The following MYO16 variants were observed in gnomAD, a reference collection of about 807,000 sequenced individuals.
MYO16 encodes myosin XVI, also known as unconventional myosin-XVI.
A neutral mutation model predicts 205.3 loss-of-function variants in MYO16; 94 were observed. The observed-to-expected ratio is 0.46, with a 90% CI of 0.39 to 0.54. MYO16 has a LOEUF of 0.54. MYO16 is among the 20% of genes least tolerant of loss of function. The probability of loss-of-function intolerance (pLI) is 0.00; values close to 1 mark genes in which losing one functional copy is unlikely to be tolerated. For missense variants in MYO16, 2,315 were observed against 2,387.5 expected, an observed-to-expected ratio of 0.97 and a Z score of 0.63; for synonymous variants, 988 against 954.0, an observed-to-expected ratio of 1.04 and a Z score of -0.66.
chr13:108,524,702 A>G, the MYO16 span, among the ~76,000 whole-genome samples: 14 of 152,242 alleles, frequency 9.2e-5, no homozygotes, highest in South Asian at 2.1e-4. Context: ...TTTTACCCCC[A>G]TCATTCTCCA....
At chr13:109,024,900 G>A (rs1381664427) in intron 23 of MYO16, among the ~76,000 whole-genome samples, 1 of 152,114 alleles carries the variant, frequency 6.6e-6, no homozygotes, top group Admixed American at 6.6e-5. Context: ...TTGAGCTACT[G>A]CAGTTTCAAA....
intron 1 of MYO16, among the ~76,000 whole-genome samples, chr13:108,636,132 A>G (rs1229538948): frequency 1.3e-5 from 2 of 152,046 alleles, no homozygotes; most frequent in Non-Finnish European, 2.9e-5. Flanking sequence ...ATATATTTGC[A>G]TCCATTTCTG....
the MYO16 span, among the ~76,000 whole-genome samples, chr13:108,589,188 G>A: frequency 1.9e-4 from 29 of 152,028 alleles, no homozygotes; most frequent in African/African-American, 7.0e-4. Context: ...TTTCTCAAGG[G>A]CCCTGGTTTG....
chr13:108,772,655 G>T (rs996687406), intron 4 of MYO16, among the ~76,000 whole-genome samples: 3 of 152,138 alleles, frequency 2.0e-5, no homozygotes, highest in African/African-American at 7.2e-5. Context: ...GTTAACTGTG[G>T]TTTAAGTAAT....
At chr13:108,576,940 A>G in the MYO16 span, among the ~76,000 whole-genome samples, 3 of 151,904 alleles carry the variant, frequency 2.0e-5, no homozygotes, top group Admixed American at 6.6e-5. Flanking sequence ...TTAAAATTTT[A>G]TATAGAGACA....
intron 7 of MYO16, among the ~76,000 whole-genome samples, chr13:108,809,708 C>T (rs1887226551): frequency 6.6e-6 from 1 of 152,218 alleles, no homozygotes; most frequent in Admixed American, 6.5e-5. Flanking sequence ...AACACTGGGG[C>T]TTGCAATTCA....
intron 4 of MYO16, among the ~76,000 whole-genome samples, chr13:108,749,362 A>G (rs957792070): frequency 2.0e-5 from 3 of 152,154 alleles, no homozygotes; most frequent in Non-Finnish European, 2.9e-5. Flanking sequence ...TGTTCCTATG[A>G]ATTTATCTCA....
chr13:108,528,596 C>G, the MYO16 span, among the ~76,000 whole-genome samples: 1 of 10,724 alleles, frequency 9.3e-5, no homozygotes, highest in Non-Finnish European at 2.0e-4. Context: ...TTCCCCTCCT[C>G]TCCCCTCTCC....
At chr13:108,926,458 C>G (rs1355126042) in intron 16 of MYO16, among the ~76,000 whole-genome samples, 3 of 152,114 alleles carry the variant, frequency 2.0e-5, no homozygotes, top group Non-Finnish European at 4.4e-5. Flanking sequence ...GAAACATCCC[C>G]AACATATAAC....
In MYO16 at chr13:108,866,206, T is replaced by A. The variant is rs1447084876; in HGVS notation, c.1389T>A (p.Val463=). Residue 463 remains valine (V), a synonymous_variant, in exon 12 of 35, where the codon GTT becomes GTA. Transcript: ENST00000457511. The part of the protein sequence containing the change: ...YTFIGDILLL[V]NPYKELPIYS... ...TCATTGGAGACATTCTTTTGCTTGT[T>A]AACCCATACAAGGAGCTTCCAATTT... 6.2e-7 allele frequency: 1 copy of A among 1,604,532 alleles called. No homozygotes were observed. The highest frequency in any genetic ancestry group is 8.5e-7 in the Non-Finnish European group (1 of 1,174,358).
chr13:108,666,118 G>C lies in MYO16; in HGVS notation c.261G>C (p.Gln87His). ...KVHFNLTDML[Q>H]DAIIHHNDKE... Reference sequence around the variant, plus strand: ...ACTTCAACCTCACGGACATGCTACAGGACGCGATTATCCACCACAATGACA... The same window carrying C: ...ACTTCAACCTCACGGACATGCTACACGACGCGATTATCCACCACAATGACA... Residue 87 changes from glutamine to histidine, a missense_variant, in exon 2 of 35, where the codon CAG becomes CAC. This residue lies in a region of MYO16 where 1,213 missense variants were observed against 1,274.4 expected (regional missense o/e 0.95). Transcript: ENST00000457511. 1 of 1,611,658 alleles carries C rather than the reference G, an allele frequency of 6.2e-7. No individual in the cohort carries two copies. The highest frequency in any genetic ancestry group is 8.5e-7 in the Non-Finnish European group (1 of 1,177,948).
intron 15 of MYO16, among the ~76,000 whole-genome samples, chr13:108,908,103 C>T (rs1029707896): frequency 6.6e-6 from 1 of 151,998 alleles, no homozygotes; most frequent in African/African-American, 2.4e-5. Context: ...TTGAAATTGC[C>T]ACCTAATTGA....
intron 33 of MYO16, among the ~76,000 whole-genome samples, chr13:109,166,482 C>T (rs1163334516): frequency 1.3e-5 from 2 of 152,126 alleles, no homozygotes; most frequent in Non-Finnish European, 2.9e-5. Context: ...ATATAAAGGG[C>T]AATGAGGAGG....
chr13:109,082,178 A>G (rs1390989470), intron 27 of MYO16, among the ~76,000 whole-genome samples: 2 of 152,188 alleles, frequency 1.3e-5, no homozygotes, highest in African/African-American at 4.8e-5. Flanking sequence ...CCAGTGATTT[A>G]TAGAATATTA....
At chr13:108,498,101 C>A in the MYO16 span, among the ~76,000 whole-genome samples, 1 of 152,152 alleles carries the variant, frequency 6.6e-6, no homozygotes. Flanking sequence ...GGCATTGGAA[C>A]TGTGATATTT....
intron 27 of MYO16, among the ~76,000 whole-genome samples, chr13:109,093,035 T>G (rs1434090152): frequency 6.6e-6 from 1 of 152,230 alleles, no homozygotes; most frequent in Non-Finnish European, 1.5e-5. Flanking sequence ...TTTTTTAGTG[T>G]TATAGTCACA....
At chr13:108,872,320 T>G (rs879214880) in intron 12 of MYO16, among the ~76,000 whole-genome samples, 11 of 152,172 alleles carry the variant, frequency 7.2e-5, no homozygotes, top group Non-Finnish European at 1.5e-5. Context: ...TAGCCAAACT[T>G]TAACATAATA....
At chr13:109,013,237 A>G (rs975851121) in intron 22 of MYO16, among the ~76,000 whole-genome samples, 2 of 151,076 alleles carry the variant, frequency 1.3e-5, no homozygotes, top group African/African-American at 4.9e-5. Flanking sequence ...TGTCCTTGCG[A>G]TAGTTTGCTC....
chr13:108,903,385 AG>A (rs1486108556), intron 15 of MYO16, among the ~76,000 whole-genome samples: 1 of 2,098 alleles, frequency 4.8e-4, no homozygotes, highest in African/African-American at 5.5e-4. Flanking sequence ...TACTATCCTC[AG>A]TTTTCAGGGG....
Sources: gnomAD v4.1 joint callset for allele counts (sites outside exome capture counted in the v4.1 genomes callset) on GRCh38, gnomAD v4.1.1 for gene constraint, gnomAD v4.1.1 regional missense constraint, MANE v1.5 for transcripts, NCBI Gene and HGNC (gene_info 2026-07-23, HGNC 2026-07-21) for gene names.